LRRK1: variants seen among roughly 807,000 people sequenced by gnomAD.
The protein encoded by LRRK1 is leucine-rich repeat serine/threonine-protein kinase 1.
Under a neutral mutation model 209.1 loss-of-function variants are expected in LRRK1, and 113 were observed. That is an observed-to-expected ratio of 0.54 (90% confidence interval 0.46 to 0.63). The LOEUF (loss-of-function observed/expected upper bound fraction) is 0.63. Ranked by LOEUF, LRRK1 falls within the 30% of genes least tolerant of loss-of-function variation. LRRK1 has a pLI of 0.00. For missense variants in LRRK1, 2,284 were observed against 2,632.2 expected, an observed-to-expected ratio of 0.87 and a Z score of 2.89; for synonymous variants, 1,144 against 1,099.7, an observed-to-expected ratio of 1.04 and a Z score of -0.80.
chr15:101,049,831 T>C (rs371437801), intron 23 of LRRK1, 48 bp downstream of exon 23: 26 of 1,582,428 alleles, frequency 1.6e-5, no homozygotes, highest in Middle Eastern at 1.7e-4. Flanking sequence ...TAATATTTCT[T>C]ATGAATCAGG....
At chr15:101,029,293 G>A (rs1400411066) in intron 20 of LRRK1, 61 bp downstream of exon 20, 14 of 1,502,684 alleles carry the variant, frequency 9.3e-6, no homozygotes, top group Middle Eastern at 1.9e-4. Context: ...GGGAGTTGGG[G>A]TCTGGAGCCA....
chr15:100,992,415 C>G (rs942419086), intron 6 of LRRK1, among the ~76,000 whole-genome samples: 3 of 152,130 alleles, frequency 2.0e-5, no homozygotes, highest in African/African-American at 7.2e-5. Flanking sequence ...GTTGCATTGA[C>G]ATTTTTCTCA....
In LRRK1 at chr15:101,072,955, AGG is replaced by A. The variant is rs58271058; in HGVS notation, c.*4116_*4117del. 2.7e-3 allele frequency: 354 copies of A among 132,406 alleles called. 4 individuals carry two copies. Among genetic ancestry groups the A allele is most frequent in the Middle Eastern group, 7.1e-3 (2 of 280 alleles). 8.2% of individuals were successfully genotyped at this position (132,406 alleles called of 1,614,324 possible). ...TTGGTGCCGTAACTGGCGCGGGGGGAGGGGGGGGGGAACCTCCCTTGGGAGAT... is the reference window on the plus strand; with the variant it reads ...TTGGTGCCGTAACTGGCGCGGGGGGAGGGGGGGGAACCTCCCTTGGGAGAT... On this transcript the variant is annotated 3_prime_UTR_variant, in exon 34 of 34. Coordinates refer to ENST00000388948, the MANE Select transcript of LRRK1 (RefSeq NM_024652.6).
In LRRK1 at chr15:101,066,150, C is replaced by T. The variant is rs748772285; in HGVS notation, c.5713C>T (p.Gln1905Ter). ...LTPMDGETFS[Q>*]HLQAVKILAV... is the part of the protein sequence containing the mutation. ...CCCCATGGACGGGGAGACCTTCAGC[C>T]AGCACCTGCAGGCCGTGAAGATCCT... is the stretch of plus-strand genomic sequence containing the variant. The change falls in exon 32 of 34, where the codon CAG becomes TAG. Residue 1905 changes from glutamine to a stop codon, truncating the protein, a stop_gained. Coordinates refer to ENST00000388948, the MANE Select transcript of LRRK1 (RefSeq NM_024652.6). LOFTEE classifies it high-confidence loss of function. 1 of 1,613,842 alleles carries T rather than the reference C, an allele frequency of 6.2e-7. No individual in the cohort carries two copies. Among genetic ancestry groups the T allele is most frequent in the South Asian group, 1.1e-5 (1 of 91,076 alleles).
intron 29 of LRRK1, among the ~76,000 whole-genome samples, chr15:101,058,690 A>G (rs1343056519): frequency 7.2e-6 from 1 of 138,420 alleles, no homozygotes; most frequent in Non-Finnish European, 1.5e-5. Flanking sequence ...GGTGTTTTCA[A>G]GGGAGTGATA....
chr15:101,012,011 T>C lies in LRRK1; in HGVS notation c.1285T>C (p.Cys429Arg), dbSNP rs1453654500. 6.3e-7 allele frequency: 1 copy of C among 1,595,006 alleles called. No individual in the cohort carries two copies. Among genetic ancestry groups the C allele is most frequent in the Non-Finnish European group, 8.5e-7 (1 of 1,173,526 alleles). The change falls in exon 10 of 34, where the codon TGT becomes CGT. Residue 429 changes from cysteine to arginine, a missense_variant. This residue lies in a region of LRRK1 where 494 missense variants were observed against 522.1 expected (regional missense o/e 0.95). Coordinates refer to ENST00000388948, the MANE Select transcript of LRRK1 (RefSeq NM_024652.6). ...FPDPWACPLK[C>R]CKASRNALEC... ...TTTTTTCTCGTCAATCTCTTAGAAA[T>C]GTTGTAAAGCTTCCAGAAATGCCCT...
chr15:101,028,880 T>G lies in LRRK1; in HGVS notation c.2687-76T>G, dbSNP rs1336462592. Reference sequence around the variant, plus strand: ...GAATAATTTGTGACCTGGGTCCTCTTGGAAAGAGGGCCACCCCAGAGTCCC... The same window carrying G: ...GAATAATTTGTGACCTGGGTCCTCTGGGAAAGAGGGCCACCCCAGAGTCCC... On this transcript the variant is annotated intron_variant, in intron 19 of 33. Transcript: ENST00000388948. 3 of 1,491,886 alleles carry G rather than the reference T, an allele frequency of 2.0e-6. No individual in the cohort carries two copies. The East Asian group carries it at 6.8e-5, about 34-fold the overall frequency. The allele number at this position is 1,491,886 out of a possible 1,614,324, so 92.4% of individuals were successfully genotyped here. A position where few individuals can be genotyped will look rare whatever the true frequency, so the allele number is the denominator to read the frequency against.
Position 101,068,961 on chromosome 15 carries a change from C to T in LRRK1, c.*113C>T. On this transcript the variant is annotated 3_prime_UTR_variant, in exon 34 of 34. Transcript: ENST00000388948. ...GACCTAGAAGACAGATGGAGTTCTC[C>T]CCTGAACTCCTTGCTGCTAAGAAGT... The T allele has an allele frequency of 9.7e-7, 1 of 1,027,460 alleles. No individual in the cohort carries two copies. The highest frequency in any genetic ancestry group is 1.4e-6 in the Non-Finnish European group (1 of 726,646). The allele number at this position is 1,027,460 out of a possible 1,614,324, so 63.6% of individuals were successfully genotyped here. A position where few individuals can be genotyped will look rare whatever the true frequency, so the allele number is the denominator to read the frequency against.
intron 23 of LRRK1, among the ~76,000 whole-genome samples, chr15:101,050,105 C>T (rs527423385): frequency 2.0e-5 from 3 of 152,264 alleles, no homozygotes; most frequent in East Asian, 3.9e-4. Flanking sequence ...TGAGCTCACA[C>T]GTGTCTTGTT....
At chr15:101,065,060 C>T (rs955186216) in intron 31 of LRRK1, 4 of 453,426 alleles carry the variant, frequency 8.8e-6, no homozygotes, top group African/African-American at 7.9e-5. Context: ...GAAGCAGAGG[C>T]AGCCCATGTG....
At chr15:101,051,459 G>A (rs2035430552) in intron 23 of LRRK1, among the ~76,000 whole-genome samples, 1 of 152,200 alleles carries the variant, frequency 6.6e-6, no homozygotes, top group Admixed American at 6.5e-5. Context: ...AGCCTGCTCA[G>A]TGTCCCGACC....
intron 3 of LRRK1, among the ~76,000 whole-genome samples, chr15:100,978,798 T>C (rs922255783): frequency 2.0e-5 from 3 of 152,210 alleles, no homozygotes; most frequent in African/African-American, 7.2e-5. Flanking sequence ...TCAGATGGCT[T>C]CACTGGATAA....
At chr15:100,984,319 TACTA>T (rs1190829626) in intron 4 of LRRK1, among the ~76,000 whole-genome samples, 2 of 152,224 alleles carry the variant, frequency 1.3e-5, no homozygotes, top group Non-Finnish European at 1.5e-5. Flanking sequence ...GATACCTTCT[TACTA>T]ACTAAAGTCC....
chr15:101,015,465 C>T, intron 12 of LRRK1, 63 bp downstream of exon 12: 2 of 1,275,550 alleles, frequency 1.6e-6, no homozygotes, highest in South Asian at 1.3e-5. Context: ...GGTTCCTGCT[C>T]CACCAAAGTG....
Position 101,026,002 on chromosome 15 carries a change from C to T in LRRK1, c.2270C>T (p.Thr757Met), listed in dbSNP as rs1172054475. ...APNAVVLVVG[T>M]HLDLIEAKFR... The stretch of plus-strand genomic sequence containing the variant: ...AACGCCGTGGTGCTGGTGGTCGGGA[C>T]GCACCTGGATTTAATTGAAGCCAAG... The change falls in exon 17 of 34, where the codon ACG becomes ATG. Residue 757 changes from threonine to methionine, a missense_variant. Physicochemically the swap from Thr to Met is moderately conservative, Grantham distance 81. Transcript: ENST00000388948. 3 of 1,614,206 alleles carry T rather than the reference C, an allele frequency of 1.9e-6. No homozygotes were observed. Among genetic ancestry groups the T allele is most frequent in the Non-Finnish European group, 2.5e-6 (3 of 1,180,046 alleles).
At chr15:101,032,696 G>A (rs997449904) in intron 20 of LRRK1, among the ~76,000 whole-genome samples, 30 of 152,118 alleles carry the variant, frequency 2.0e-4, no homozygotes, top group Non-Finnish European at 3.7e-4. Context: ...TGAAGTAGGG[G>A]TCGAGGTCCA....
chr15:101,067,292 G>C (rs576158313), intron 33 of LRRK1: 2 of 456,242 alleles, frequency 4.4e-6, no homozygotes, highest in Admixed American at 4.7e-5. Flanking sequence ...GCCTGTCCGG[G>C]ACATGGTCTA....
chr15:101,012,070 G>GA lies in LRRK1; in HGVS notation c.1349dup (p.Asn450LysfsTer24). On this transcript the variant is annotated frameshift_variant, in exon 10 of 34. Coordinates refer to ENST00000388948, the MANE Select transcript of LRRK1 (RefSeq NM_024652.6). LOFTEE classifies it high-confidence loss of function. Reference sequence around the variant, plus strand: ...TGCCAGACAAAATGGCTGTCTTTTGGAAAAATCACCTGAAGGATGTGGATT... The same window carrying GA: ...TGCCAGACAAAATGGCTGTCTTTTGGAAAAAATCACCTGAAGGATGTGGATT... 2 of 1,612,448 alleles carry GA rather than the reference G, an allele frequency of 1.2e-6. No individual in the cohort carries two copies. The highest frequency in any genetic ancestry group is 1.7e-6 in the Non-Finnish European group (2 of 1,179,244).
chr15:100,953,962 C>G lies in LRRK1; in HGVS notation c.98-19842C>G, dbSNP rs185399615. 2.1e-3 allele frequency among the ~76,000 whole-genome samples: 312 copies of G among 152,176 alleles called. 3 individuals carry two copies. Among genetic ancestry groups the G allele is most frequent in the African/African-American group, 7.2e-3 (298 of 41,490 alleles). On this transcript the variant is annotated intron_variant, in intron 2 of 33. Transcript: ENST00000388948. ...ACACAGTCTCACTGTGTCCCCCAGG[C>G]TGGAGGGCAGTGGCACAATCTCGGC...
Sources: gnomAD v4.1 joint callset for allele counts (sites outside exome capture counted in the v4.1 genomes callset) on GRCh38, gnomAD v4.1.1 for gene constraint, gnomAD v4.1.1 regional missense constraint, MANE v1.5 for transcripts, NCBI Gene and HGNC (gene_info 2026-07-23, HGNC 2026-07-21) for gene names.